Variants in TEAD4 observed in about 807,000 individuals in gnomAD.
The protein encoded by TEAD4 is TEA domain transcription factor 4, also known as transcriptional enhancer factor TEF-3.
TEAD4 carries 36 observed loss-of-function variants against 52.4 expected under a neutral mutation model. The observed-to-expected ratio is 0.69, with a 90% confidence interval of 0.53 to 0.91. The LOEUF is 0.91. Among genes scored for constraint, TEAD4 ranks in the 40% least tolerant of loss-of-function variants. The pLI is 0.00. For synonymous variants in TEAD4, 220 were observed against 231.0 expected (o/e 0.95, Z 0.43); for missense variants, 508 against 583.9 (o/e 0.87, Z 1.34).
chr12:3,032,220 G>A (rs1329427151), intron 10 of TEAD4, among the ~76,000 whole-genome samples: 2 of 152,248 alleles, frequency 1.3e-5, no homozygotes, highest in African/African-American at 2.4e-5. Flanking sequence ...TCTTAGGGGA[G>A]TTTGGAGGTG....
At chr12:2,974,036 C>G (rs1487838979) in intron 2 of TEAD4, among the ~76,000 whole-genome samples, 1 of 152,134 alleles carries the variant, frequency 6.6e-6, no homozygotes, top group Non-Finnish European at 1.5e-5. Context: ...GAGACGGAGT[C>G]TCACTCTGTC....
At chr12:2,970,846 C>T (rs1386852134) in intron 2 of TEAD4, among the ~76,000 whole-genome samples, 1 of 152,212 alleles carries the variant, frequency 6.6e-6, no homozygotes, top group Non-Finnish European at 1.5e-5. Context: ...AATGCTCCGT[C>T]GTAAATTGCA....
rs2098265482 is a variant in TEAD4, at chr12:3,017,538, G to C, written c.483+12G>C. 2.5e-6 allele frequency: 4 copies of C among 1,609,694 alleles called. No individual in the cohort carries two copies. Among genetic ancestry groups the C allele is most frequent in the Non-Finnish European group, 3.4e-6 (4 of 1,178,354 alleles). On this transcript the variant is annotated intron_variant, in intron 6 of 12. Transcript: ENST00000359864. ...CAGCAGTCTCAGGGGTAAGTGGGCT[G>C]CCGAGAGCTGGAGGCCAGGCCAGCC...
rs756562199 is a variant in TEAD4 at position 3,011,058 on chromosome 12, C to T, written c.281C>T (p.Thr94Ile). 7 of 1,613,982 alleles carry T rather than the reference C, an allele frequency of 4.3e-6. No homozygotes were observed. The Admixed American group carries it at 8.3e-5, about 19-fold the overall frequency. ...AAGCTCCGGACAGGGAAGACCCGCACCAGGAAGCAGGTGGGCCTCAAGAGA... is the reference window on the plus strand; with the variant it reads ...AAGCTCCGGACAGGGAAGACCCGCATCAGGAAGCAGGTGGGCCTCAAGAGA... The change falls in exon 4 of 13, where the codon ACC becomes ATC. Residue 94 changes from threonine (T) to isoleucine (I), a missense_variant. By Grantham distance (89) the Thr-to-Ile change is moderately conservative (BLOSUM62 -1). Transcript: ENST00000359864.
At chr12:2,987,560 G>A (rs767150210) in intron 2 of TEAD4, among the ~76,000 whole-genome samples, 78 of 151,576 alleles carry the variant, frequency 5.1e-4, no homozygotes, top group Non-Finnish European at 6.2e-4. Flanking sequence ...TCAGCCTCCC[G>A]AGTAGCTGGG....
At chr12:3,021,373 T>C (rs1242625688) in intron 9 of TEAD4, among the ~76,000 whole-genome samples, 1 of 149,028 alleles carries the variant, frequency 6.7e-6, no homozygotes, top group African/African-American at 2.5e-5. Flanking sequence ...TGCAGTGGCA[T>C]GATCTCAGCT....
intron 2 of TEAD4, among the ~76,000 whole-genome samples, chr12:2,975,068 A>C (rs1460975803): frequency 6.6e-6 from 1 of 151,758 alleles, no homozygotes; most frequent in Non-Finnish European, 1.5e-5. Flanking sequence ...TCACTTTTAA[A>C]ATTTTGTATT....
chr12:2,992,016 C>CTT (rs372782883), intron 2 of TEAD4, among the ~76,000 whole-genome samples: 56,702 of 106,520 alleles, frequency 0.53, 18,443 homozygotes, highest in Non-Finnish European at 0.71. Context: ...GCGGTTCCTG[C>CTT]TTTTTTTTTT....
chr12:2,990,127 T>C lies in TEAD4; in HGVS notation c.-29-4611T>C, dbSNP rs145345978. Among the ~76,000 whole-genome samples, 360 of 152,334 alleles carry C rather than the reference T, an allele frequency of 2.4e-3. 1 individual carries two copies. The highest frequency in any genetic ancestry group is 7.8e-3 in the African/African-American group (325 of 41,586). On this transcript the variant is annotated intron_variant, in intron 2 of 12. Transcript: ENST00000359864. ...CTTCTTTATCTAGCTGTATCTAAGTTGTTAATCCCAACCATTGGGTTTTTA... is the reference window on the plus strand; with the variant it reads ...CTTCTTTATCTAGCTGTATCTAAGTCGTTAATCCCAACCATTGGGTTTTTA...
intron 2 of TEAD4, among the ~76,000 whole-genome samples, chr12:2,978,264 G>A (rs987284926): frequency 6.6e-6 from 1 of 152,130 alleles, no homozygotes. Context: ...CAAGTGTGCA[G>A]TTTGGTGGCA....
At chr12:3,022,177 G>C (rs1396887192) in intron 10 of TEAD4, among the ~76,000 whole-genome samples, 160 bp downstream of exon 10, 1 of 152,184 alleles carries the variant, frequency 6.6e-6, no homozygotes, top group East Asian at 1.9e-4. Context: ...GGGATGGTTG[G>C]AGCTGAGCCG....
intron 2 of TEAD4, chr12:2,960,493 C>A (rs2098214408): frequency 4.5e-6 from 2 of 449,382 alleles, no homozygotes; most frequent in South Asian, 9.4e-5. Context: ...GCAGAACTTT[C>A]AAACCCCAAA....
chr12:2,997,457 A>G (rs1472115892), intron 3 of TEAD4, among the ~76,000 whole-genome samples: 1 of 152,188 alleles, frequency 6.6e-6, no homozygotes, highest in Non-Finnish European at 1.5e-5. Flanking sequence ...GGAGGGACGC[A>G]GCCTCTGGGA....
At chr12:3,001,002 G>T (rs1012203689) in intron 3 of TEAD4, among the ~76,000 whole-genome samples, 10 of 152,188 alleles carry the variant, frequency 6.6e-5, no homozygotes, top group African/African-American at 1.7e-4. Flanking sequence ...TTGCTTTGTT[G>T]CCCTGTGGGT....
At chr12:2,971,726 C>T (rs1476468212) in intron 2 of TEAD4, among the ~76,000 whole-genome samples, 5 of 151,714 alleles carry the variant, frequency 3.3e-5, no homozygotes, top group South Asian at 2.1e-4. Flanking sequence ...CTGCCCGCCA[C>T]GGCCTCCCAA....
At chr12:2,970,783 C>T (rs2098224363) in intron 2 of TEAD4, among the ~76,000 whole-genome samples, 1 of 152,212 alleles carries the variant, frequency 6.6e-6, no homozygotes. Context: ...CATCTGTCTG[C>T]CTGGGGCTTG....
intron 8 of TEAD4, among the ~76,000 whole-genome samples, chr12:3,020,108 A>G (rs981712479): frequency 1.3e-5 from 2 of 152,044 alleles, no homozygotes; most frequent in African/African-American, 4.8e-5. Flanking sequence ...GATCTAAACT[A>G]CAGTAGGACT....
intron 2 of TEAD4, among the ~76,000 whole-genome samples, chr12:2,968,675 A>T (rs1199908046): frequency 6.7e-5 from 10 of 149,474 alleles, no homozygotes; most frequent in Admixed American, 1.3e-4. Flanking sequence ...AATAGATAGG[A>T]TCTTGCTCTG....
chr12:3,007,276 A>C (rs2098256709), intron 3 of TEAD4, among the ~76,000 whole-genome samples: 1 of 152,154 alleles, frequency 6.6e-6, no homozygotes, highest in South Asian at 2.1e-4. Flanking sequence ...ACTGCTTCTC[A>C]CCACAGGCTG....
Sources: gnomAD v4.1 joint callset for allele counts (sites outside exome capture counted in the v4.1 genomes callset) on GRCh38, gnomAD v4.1.1 for gene constraint, MANE v1.5 for transcripts, NCBI Gene and HGNC (gene_info 2026-07-23, HGNC 2026-07-21) for gene names.